The following XKR6 variants were observed in gnomAD, a reference collection of about 807,000 sequenced individuals.
The protein encoded by XKR6 is XK-related protein 6.
XKR6 carries 22 observed loss-of-function variants against 56.7 expected under a neutral mutation model. That is an observed-to-expected ratio of 0.39 (90% confidence interval 0.28 to 0.55). XKR6 has a LOEUF of 0.55. Ranked by LOEUF, XKR6 falls within the 20% of genes least tolerant of loss-of-function variation. XKR6 has a pLI of 0.66. For missense variants in XKR6, 852 were observed against 889.0 expected, an observed-to-expected ratio of 0.96 and a Z score of 0.53; for synonymous variants, 524 against 387.8, an observed-to-expected ratio of 1.35 and a Z score of -4.13.
chr8:10,982,045 G>T (rs1203351779), intron 1 of XKR6, among the ~76,000 whole-genome samples: 2 of 152,216 alleles, frequency 1.3e-5, no homozygotes. Flanking sequence ...AGAAGCCTTA[G>T]TTGCTACCCC....
At chr8:11,123,948 T>A (rs1227083021) in intron 1 of XKR6, 1 of 456,100 alleles carries the variant, frequency 2.2e-6, no homozygotes, top group Non-Finnish European at 4.4e-6. Context: ...CAGCAGAGGA[T>A]CGGCTCCAGT....
intron 1 of XKR6, among the ~76,000 whole-genome samples, chr8:11,047,721 C>A (rs147830900): frequency 1.3e-5 from 2 of 152,206 alleles, no homozygotes; most frequent in African/African-American, 4.8e-5. Flanking sequence ...CACAACAGCG[C>A]GAGTGTACTT....
chr8:11,135,925 C>T (rs982540529), intron 1 of XKR6, among the ~76,000 whole-genome samples: 1 of 151,998 alleles, frequency 6.6e-6, no homozygotes, highest in African/African-American at 2.4e-5. Context: ...CTTAAAAAGG[C>T]TGATAACATT....
chr8:10,973,444 C>T (rs1383178376), intron 1 of XKR6, among the ~76,000 whole-genome samples: 1 of 152,208 alleles, frequency 6.6e-6, no homozygotes, highest in African/African-American at 2.4e-5. Context: ...ACCAGCCAGT[C>T]TTTCCCATAC....
At position 11,119,700 on chromosome 8, in the gene XKR6, C is replaced by T. The variant is rs1230502442; in HGVS notation, c.764+80876G>A. ...CCCTTTATTTTGAGCCTATGTGTGT[C>T]TCTGCACGTGAGATGGGTTTCCTGA... On this transcript the variant is annotated intron_variant, in intron 1 of 2. Transcript: ENST00000416569. 4.6e-5 allele frequency among the ~76,000 whole-genome samples: 7 copies of T among 152,074 alleles called. No homozygotes were observed. The East Asian group carries it at 1.2e-3, about 25-fold the overall frequency.
At chr8:11,052,687 T>C (rs1158657046) in intron 1 of XKR6, among the ~76,000 whole-genome samples, 2 of 151,892 alleles carry the variant, frequency 1.3e-5, no homozygotes, top group Non-Finnish European at 1.5e-5. Context: ...TTAAAGCTGG[T>C]GTCCTCTCCT....
chr8:11,016,352 T>C (rs926147262), intron 1 of XKR6, among the ~76,000 whole-genome samples: 3 of 152,096 alleles, frequency 2.0e-5, no homozygotes, highest in African/African-American at 7.2e-5. Context: ...CGTGCGGTGC[T>C]GAGGACCCTG....
At chr8:11,052,520 A>G (rs1321858652) in intron 1 of XKR6, among the ~76,000 whole-genome samples, 1 of 152,110 alleles carries the variant, frequency 6.6e-6, no homozygotes, top group African/African-American at 2.4e-5. Flanking sequence ...GCTCTGTTGA[A>G]TGGGTGAGTT....
In XKR6 at chr8:11,193,976, A is replaced by T. The variant is rs117843911; in HGVS notation, c.764+6600T>A. On this transcript the variant is annotated intron_variant, in intron 1 of 2. Transcript: ENST00000416569. ...TTCTCAGTAGGTTTAGTCTGCCATAAATTTTAACATTAACTAATGAGATCT... is the reference window on the plus strand; with the variant it reads ...TTCTCAGTAGGTTTAGTCTGCCATATATTTTAACATTAACTAATGAGATCT... Among the ~76,000 whole-genome samples, 6 of 152,300 alleles carry T rather than the reference A, an allele frequency of 3.9e-5. No individual in the cohort carries two copies. The East Asian group carries it at 9.6e-4, about 24-fold the overall frequency.
At chr8:10,933,611 C>T (rs1586322793) in intron 1 of XKR6, among the ~76,000 whole-genome samples, 3 of 102,196 alleles carry the variant, frequency 2.9e-5, no homozygotes, top group Admixed American at 1.6e-4. Flanking sequence ...CAGCTTTCTA[C>T]ATATGGCTAG....
intron 2 of XKR6, among the ~76,000 whole-genome samples, chr8:10,905,104 G>T (rs367923281): frequency 4.0e-4 from 61 of 152,228 alleles, no homozygotes; most frequent in African/African-American, 6.3e-4. Flanking sequence ...CAGGGTCAAG[G>T]TTCTCCCATT....
Position 11,020,259 on chromosome 8 carries a change from T to C in XKR6, c.765-95429A>G, listed in dbSNP as rs369142283. ...TTGGCCAGAGTTCATATGATTTCAGTGTAGGAAGCCGACACCGTCTGTGCA... is the reference window on the plus strand; with the variant it reads ...TTGGCCAGAGTTCATATGATTTCAGCGTAGGAAGCCGACACCGTCTGTGCA... On this transcript the variant is annotated intron_variant, in intron 1 of 2. Coordinates refer to ENST00000416569, the MANE Select transcript of XKR6 (RefSeq NM_173683.4). Among the ~76,000 whole-genome samples, 66 of 152,228 alleles carry C rather than the reference T, an allele frequency of 4.3e-4. No individual in the cohort carries two copies. In the East Asian group the frequency reaches 0.011, roughly 25 times the overall value.
intron 2 of XKR6, among the ~76,000 whole-genome samples, chr8:10,920,673 G>C (rs1370135607): frequency 1.3e-5 from 2 of 152,234 alleles, no homozygotes; most frequent in Non-Finnish European, 1.5e-5. Context: ...TCGTGATGAG[G>C]ACACGACTCT....
chr8:11,012,723 T>G (rs1798529402), intron 1 of XKR6, among the ~76,000 whole-genome samples: 1 of 152,042 alleles, frequency 6.6e-6, no homozygotes, highest in Non-Finnish European at 1.5e-5. Flanking sequence ...AATCTTTTCT[T>G]TGGATTCATC....
At chr8:11,128,422 C>G (rs1041957961) in intron 1 of XKR6, among the ~76,000 whole-genome samples, 25 of 152,206 alleles carry the variant, frequency 1.6e-4, no homozygotes, top group African/African-American at 5.8e-4. Context: ...CCGTCTCCTT[C>G]ATCACAACTG....
At chr8:11,011,203 A>G (rs549639185) in intron 1 of XKR6, among the ~76,000 whole-genome samples, 2 of 152,320 alleles carry the variant, frequency 1.3e-5, no homozygotes, top group South Asian at 4.1e-4. Context: ...CCCCACCTAC[A>G]GGAATGGACT....
At chr8:11,076,003 A>G (rs796388848) in intron 1 of XKR6, among the ~76,000 whole-genome samples, 16 of 152,374 alleles carry the variant, frequency 1.1e-4, no homozygotes, top group Non-Finnish European at 1.5e-4. Flanking sequence ...GAGAAACCCA[A>G]CATGGTCCAT....
chr8:10,924,933 A>C, intron 1 of XKR6, 103 bp from the exon 2 acceptor site: 1 of 1,225,270 alleles, frequency 8.2e-7, no homozygotes, highest in Non-Finnish European at 1.1e-6. Context: ...CATCCCCCCA[A>C]CTCCCTATGC....
At chr8:10,915,689 A>T (rs980680288) in intron 2 of XKR6, among the ~76,000 whole-genome samples, 3 of 152,198 alleles carry the variant, frequency 2.0e-5, no homozygotes, top group African/African-American at 7.2e-5. Context: ...GTATTGCTTA[A>T]CAAGAAGCCG....
Sources: gnomAD v4.1 joint callset for allele counts (sites outside exome capture counted in the v4.1 genomes callset) on GRCh38, gnomAD v4.1.1 for gene constraint, MANE v1.5 for transcripts, NCBI Gene and HGNC (gene_info 2026-07-23, HGNC 2026-07-21) for gene names.